The following FAF1 variants were observed in gnomAD, a reference collection of about 807,000 sequenced individuals.
The protein encoded by FAF1 is FAS-associated factor 1.
FAF1 carries 25 observed loss-of-function variants against 92.5 expected under a neutral mutation model. That is an observed-to-expected ratio of 0.27 (90% CI 0.20 to 0.38). The LOEUF is 0.38. FAF1 is among the 10% of genes least tolerant of loss of function. FAF1 has a pLI of 1.00. For synonymous variants in FAF1, 234 were observed against 273.2 expected, an observed-to-expected ratio of 0.86 and a Z score of 1.42; for missense variants, 636 against 793.3, an observed-to-expected ratio of 0.80 and a Z score of 2.38.
chr1:50,509,388 G>A (rs1647103557), intron 15 of FAF1, among the ~76,000 whole-genome samples: 1 of 152,040 alleles, frequency 6.6e-6, no homozygotes, highest in African/African-American at 2.4e-5. Flanking sequence ...GAGGCAGGAG[G>A]ACTGTTTGAG....
rs201261557 is a variant in FAF1 at position 50,609,287 on chromosome 1, C to T, written c.745-13071G>A. Among the ~76,000 whole-genome samples, 9 of 152,286 alleles carry T rather than the reference C, an allele frequency of 5.9e-5. No individual in the cohort carries two copies. The East Asian group carries it at 1.7e-3, about 29-fold the overall frequency. On this transcript the variant is annotated intron_variant, in intron 8 of 18. Transcript: ENST00000396153. The stretch of plus-strand genomic sequence containing the variant: ...TAAGAATGAACCTGGCATAGCTTGC[C>T]ACACCGCCATTTCACAGACAAGAAA...
intron 6 of FAF1, among the ~76,000 whole-genome samples, chr1:50,735,210 A>T (rs890895330): frequency 6.6e-6 from 1 of 152,212 alleles, no homozygotes; most frequent in African/African-American, 2.4e-5. Context: ...AAACAGTATA[A>T]TTAACAGTTT....
Position 50,960,090 on chromosome 1 carries a change from C to G in FAF1, c.-279G>C, listed in dbSNP as rs1645304517. The G allele has an allele frequency of 2.5e-6, 1 of 392,218 alleles. No homozygotes were observed. Among genetic ancestry groups the G allele is most frequent in the Admixed American group, 4.5e-5 (1 of 22,460 alleles). The allele number at this position is 392,218 out of a possible 1,614,324, so 24.3% of individuals were successfully genotyped here. On this transcript the variant is annotated 5_prime_UTR_variant, in exon 1 of 19. Transcript: ENST00000396153. ...CAGGAAGATTGGTCTGGATGTGGGT[C>G]CGGTCTTACAGTCGCGGGCCAGGAT...
intron 15 of FAF1, among the ~76,000 whole-genome samples, chr1:50,494,336 C>T (rs1646874516): frequency 6.6e-6 from 1 of 152,128 alleles, no homozygotes. Context: ...TAAATTTGTT[C>T]TCATAACCTG....
At chr1:50,908,971 G>A (rs985054585) in intron 1 of FAF1, among the ~76,000 whole-genome samples, 18 of 152,104 alleles carry the variant, frequency 1.2e-4, no homozygotes, top group South Asian at 2.1e-4. Flanking sequence ...TCCTAGCATC[G>A]ATTGTCTTTA....
chr1:50,493,390 T>C (rs1646862564), intron 15 of FAF1, among the ~76,000 whole-genome samples: 1 of 152,182 alleles, frequency 6.6e-6, no homozygotes, highest in Non-Finnish European at 1.5e-5. Flanking sequence ...TTTTCAAATT[T>C]AGATATCTCT....
chr1:50,739,068 A>ACCCT (rs1659257897), intron 5 of FAF1, 114 bp from the exon 6 acceptor site: 1 of 652,078 alleles, frequency 1.5e-6, no homozygotes, highest in South Asian at 2.2e-5. Flanking sequence ...ATCTTTTGAT[A>ACCCT]ATTTCCTAAA....
At chr1:50,536,134 G>A (rs2149038148) in intron 14 of FAF1, among the ~76,000 whole-genome samples, 1 of 152,074 alleles carries the variant, frequency 6.6e-6, no homozygotes, top group South Asian at 2.1e-4. Context: ...TTGCCCAATT[G>A]ATATTTCTCC....
intron 5 of FAF1, among the ~76,000 whole-genome samples, chr1:50,740,649 C>A (rs1271458327): frequency 2.0e-5 from 3 of 152,002 alleles, no homozygotes; most frequent in East Asian, 1.9e-4. Context: ...CTGACTATAA[C>A]CCACTCGATT....
At chr1:50,494,451 C>T (rs1256188874) in intron 15 of FAF1, among the ~76,000 whole-genome samples, 3 of 152,188 alleles carry the variant, frequency 2.0e-5, no homozygotes, top group Non-Finnish European at 4.4e-5. Context: ...GAAATTTTTA[C>T]ACATCGATTG....
chr1:50,521,911 C>T lies in FAF1; in HGVS notation c.1494+13458G>A, dbSNP rs952426790. Among the ~76,000 whole-genome samples the T allele has an allele frequency of 3.9e-5, 6 of 152,322 alleles. 1 individual carries two copies. Among genetic ancestry groups the T allele is most frequent in the Admixed American group, 3.9e-4 (6 of 15,308 alleles). On this transcript the variant is annotated intron_variant, in intron 15 of 18. Transcript: ENST00000396153. ...TCTGAACAGGTGTGCTGAATTGTAACGCCAATGTTGAGTCACAAATCTCTT... is the reference window on the plus strand; with the variant it reads ...TCTGAACAGGTGTGCTGAATTGTAATGCCAATGTTGAGTCACAAATCTCTT...
chr1:50,782,090 T>C (rs1302948310), intron 4 of FAF1, among the ~76,000 whole-genome samples: 1 of 152,246 alleles, frequency 6.6e-6, no homozygotes, highest in Non-Finnish European at 1.5e-5. Context: ...ATATAGTACA[T>C]AATACTTGAT....
At chr1:50,816,713 TC>T (rs1192982770) in intron 2 of FAF1, among the ~76,000 whole-genome samples, 8 of 152,326 alleles carry the variant, frequency 5.3e-5, no homozygotes, top group South Asian at 2.1e-4. Flanking sequence ...AATTTTTGTT[TC>T]GGTTGCAAAT....
intron 2 of FAF1, among the ~76,000 whole-genome samples, chr1:50,852,171 G>A (rs1275816489): frequency 6.6e-6 from 1 of 152,204 alleles, no homozygotes; most frequent in Non-Finnish European, 1.5e-5. Flanking sequence ...TAGAAATCAT[G>A]TAATTTTACT....
chr1:50,460,075 ATGTAT>A (rs1646406443), intron 18 of FAF1, among the ~76,000 whole-genome samples: 1 of 152,244 alleles, frequency 6.6e-6, no homozygotes, highest in Non-Finnish European at 1.5e-5. Context: ...CATGTCCCAA[ATGTAT>A]TGTGCATAAC....
intron 2 of FAF1, chr1:50,846,334 C>A: frequency 3.5e-6 from 1 of 282,048 alleles, no homozygotes; most frequent in East Asian, 1.2e-4. Context: ...CAGGCTCATG[C>A]AGCTGAAGCA....
chr1:50,865,714 G>A lies in FAF1; in HGVS notation c.46-7717C>T, dbSNP rs573733446. On this transcript the variant is annotated intron_variant, in intron 1 of 18. Coordinates refer to ENST00000396153, the MANE Select transcript of FAF1 (RefSeq NM_007051.3). ...GGGGTGGGGGGAGGGGGGAGGGATA[G>A]CTTTAGGAGATATACCTAATGCTAA... Among the ~76,000 whole-genome samples the A allele has an allele frequency of 1.1e-3, 136 of 125,762 alleles. 2 individuals carry two copies. The highest frequency in any genetic ancestry group is 4.0e-3 in the African/African-American group (133 of 33,098). 82.5% of individuals were successfully genotyped at this position (125,762 alleles called of 152,430 possible). A position where few individuals can be genotyped will look rare whatever the true frequency, so the allele number is the denominator to read the frequency against.
At chr1:50,598,760 C>T (rs536736000) in intron 8 of FAF1, among the ~76,000 whole-genome samples, 5 of 152,212 alleles carry the variant, frequency 3.3e-5, no homozygotes, top group African/African-American at 9.6e-5. Context: ...CACCTGAGGT[C>T]AAGAATTCGA....
At chr1:50,441,628 C>T in intron 18 of FAF1, 105 bp from the exon 19 acceptor site, 1 of 547,904 alleles carries the variant, frequency 1.8e-6, no homozygotes, top group Non-Finnish European at 3.2e-6. Context: ...TATGCACTGG[C>T]ACGAAGAGTC....
Sources: gnomAD v4.1 joint callset for allele counts (sites outside exome capture counted in the v4.1 genomes callset) on GRCh38, gnomAD v4.1.1 for gene constraint, MANE v1.5 for transcripts, NCBI Gene and HGNC (gene_info 2026-07-23, HGNC 2026-07-21) for gene names.